Variants in MRC1 observed in about 807,000 individuals in gnomAD.
MRC1 encodes mannose receptor C-type 1.
In MRC1, 62 loss-of-function variants were observed where a neutral mutation model predicts 102.9. The ratio of observed to expected loss-of-function variants is 0.60; its 90% CI spans 0.49 to 0.74. MRC1 has a LOEUF of 0.74. Among genes scored for constraint, MRC1 ranks in the 30% least tolerant of loss-of-function variants. MRC1 has a pLI of 0.00. For missense variants in MRC1, 1,237 were observed against 862.8 expected, an observed-to-expected ratio of 1.43 and a Z score of -5.43; for synonymous variants, 457 against 298.4, an observed-to-expected ratio of 1.53 and a Z score of -5.48.
At chr10:17,881,744 G>A (rs1321687292) in intron 21 of MRC1, among the ~76,000 whole-genome samples, 23 of 128,060 alleles carry the variant, frequency 1.8e-4, no homozygotes, top group East Asian at 9.4e-4. Flanking sequence ...CTGCAGCCTC[G>A]AACTCCTAAG....
intron 5 of MRC1, 99 bp from the exon 6 acceptor site, chr10:17,845,190 A>C: frequency 1.3e-6 from 1 of 780,230 alleles, no homozygotes; most frequent in South Asian, 1.3e-5. Flanking sequence ...ATGGTGGTCC[A>C]TTGAATCCCC....
intron 3 of MRC1, among the ~76,000 whole-genome samples, chr10:17,829,209 C>A (rs1838530902): frequency 6.6e-6 from 1 of 151,480 alleles, no homozygotes. Context: ...CTTTCCAGAC[C>A]ACAAATCCAC....
intron 4 of MRC1, among the ~76,000 whole-genome samples, chr10:17,837,050 C>T (rs1380017168): frequency 2.0e-5 from 3 of 152,132 alleles, no homozygotes; most frequent in African/African-American, 4.8e-5. Context: ...GAGCGGACAG[C>T]GGCTTTGCCC....
Position 17,910,326 on chromosome 10 carries a change from A to T in MRC1, c.4232A>T (p.Tyr1411Phe). 1.3e-6 allele frequency: 1 copy of T among 780,834 alleles called. No individual in the cohort carries two copies. Among genetic ancestry groups the T allele is most frequent in the South Asian group, 1.3e-5 (1 of 74,618 alleles). 48.4% of individuals were successfully genotyped at this position (780,834 alleles called of 1,614,324 possible). Residue 1411 changes from tyrosine (Y) to phenylalanine (F), a missense_variant, in exon 30 of 30, where the codon TAT becomes TTT. Tyr to Phe is a conservative substitution (Grantham distance 22). Coordinates refer to ENST00000569591, the MANE Select transcript of MRC1 (RefSeq NM_002438.4). ...TGAGLAAYFF[Y>F]KKRRVHLPQE... ...GCTGGCCTTGCCGCCTATTTCTTTT[A>T]TAAGAAAAGACGTGTGCACCTACCT...
intron 1 of MRC1, among the ~76,000 whole-genome samples, chr10:17,815,554 C>T (rs1838297761): frequency 6.6e-6 from 1 of 152,118 alleles, no homozygotes; most frequent in Admixed American, 6.6e-5. Flanking sequence ...AAGGAAGCCT[C>T]TTCTACTGAC....
At chr10:17,890,690 G>C (rs1254250316) in intron 22 of MRC1, among the ~76,000 whole-genome samples, 1 of 152,172 alleles carries the variant, frequency 6.6e-6, no homozygotes, top group Non-Finnish European at 1.5e-5. Context: ...CAAACTGTGT[G>C]TGTGTTTTTA....
intron 22 of MRC1, among the ~76,000 whole-genome samples, chr10:17,891,502 C>CGTTA (rs1213717160): frequency 1.3e-5 from 2 of 152,230 alleles, no homozygotes; most frequent in East Asian, 1.9e-4. Flanking sequence ...GTAATAATAA[C>CGTTA]AGCAGTAAAG....
At chr10:17,828,336 A>G (rs1838516061) in intron 3 of MRC1, among the ~76,000 whole-genome samples, 3 of 151,400 alleles carry the variant, frequency 2.0e-5, no homozygotes, top group African/African-American at 4.9e-5. Flanking sequence ...TCGCCTCCCA[A>G]AGTGTTGGGT....
intron 11 of MRC1, among the ~76,000 whole-genome samples, chr10:17,865,060 A>G (rs692970): frequency 0.89 from 135,191 of 152,156 alleles, 60,100 homozygotes; most frequent in South Asian, 0.93. Context: ...TTATACAGTG[A>G]TATCACTAGC....
intron 6 of MRC1, among the ~76,000 whole-genome samples, chr10:17,849,377 T>C (rs935309398): frequency 2.6e-5 from 4 of 152,022 alleles, no homozygotes; most frequent in Non-Finnish European, 5.9e-5. Flanking sequence ...GGTTATTTTG[T>C]TTTGTCTAAA....
intron 7 of MRC1, among the ~76,000 whole-genome samples, chr10:17,850,096 C>T (rs1838890949): frequency 6.6e-6 from 1 of 151,778 alleles, no homozygotes; most frequent in East Asian, 1.9e-4. Flanking sequence ...TGCTTAATTC[C>T]TTGGAATTAT....
intron 22 of MRC1, among the ~76,000 whole-genome samples, chr10:17,890,999 C>T (rs951024759): frequency 4.0e-5 from 6 of 151,574 alleles, no homozygotes; most frequent in Admixed American, 1.3e-4. Context: ...CTAGGTTGCA[C>T]GCTCCTTATG....
chr10:17,835,867 G>T (rs901776069), intron 4 of MRC1, among the ~76,000 whole-genome samples: 1 of 152,214 alleles, frequency 6.6e-6, no homozygotes, highest in African/African-American at 2.4e-5. Flanking sequence ...CAGGGCACAA[G>T]AATCTGCCTT....
intron 12 of MRC1, 62 bp from the exon 13 acceptor site, chr10:17,870,184 G>T: frequency 1.3e-6 from 1 of 742,278 alleles, no homozygotes. Flanking sequence ...GTAAATATTT[G>T]TTTCTCTTAA....
intron 7 of MRC1, among the ~76,000 whole-genome samples, chr10:17,850,977 T>C (rs1201390444): frequency 6.6e-6 from 1 of 152,188 alleles, no homozygotes; most frequent in African/African-American, 2.4e-5. Flanking sequence ...CTGTGTCTAC[T>C]TATCCTGGAA....
At chr10:17,825,465 G>T (rs1838460986) in intron 2 of MRC1, among the ~76,000 whole-genome samples, 1 of 152,152 alleles carries the variant, frequency 6.6e-6, no homozygotes. Flanking sequence ...AAGCTGGCAG[G>T]CGTGGTGGCT....
At position 17,823,055 on chromosome 10, in the gene MRC1, C is replaced by T. The variant is rs1176698872; in HGVS notation, c.62-19C>T. 1 of 780,710 alleles carries T rather than the reference C, an allele frequency of 1.3e-6. No homozygotes were observed. Among genetic ancestry groups the T allele is most frequent in the Admixed American group, 1.7e-5 (1 of 59,002 alleles). 48.4% of individuals were successfully genotyped at this position (780,710 alleles called of 1,614,324 possible). On this transcript the variant is annotated intron_variant, in intron 1 of 29. Coordinates refer to ENST00000569591, the MANE Select transcript of MRC1 (RefSeq NM_002438.4). ...TGCTTGCTTTCTTCTTCTTTTCCTGCTTCTTTCTTTTTAAACAGACACCAG... is the reference window on the plus strand; with the variant it reads ...TGCTTGCTTTCTTCTTCTTTTCCTGTTTCTTTCTTTTTAAACAGACACCAG...
In MRC1 at chr10:17,816,494, C is replaced by T. The variant is rs926270998; in HGVS notation, c.62-6580C>T. On this transcript the variant is annotated intron_variant, in intron 1 of 29. Transcript: ENST00000569591. ...ATCCAAGGTACAAGAGATTTAGAGC[C>T]GTCAGCGGTTCTCCTTGGCCTCTGA... Among the ~76,000 whole-genome samples, 12 of 152,232 alleles carry T rather than the reference C, an allele frequency of 7.9e-5. No homozygotes were observed. The East Asian group carries it at 1.6e-3, about 20-fold the overall frequency.
At chr10:17,819,837 C>G (rs907983139) in intron 1 of MRC1, among the ~76,000 whole-genome samples, 1 of 152,004 alleles carries the variant, frequency 6.6e-6, no homozygotes, top group Non-Finnish European at 1.5e-5. Context: ...CCCAGCTACT[C>G]GGGAGGCTGA....
Sources: gnomAD v4.1 joint callset for allele counts (sites outside exome capture counted in the v4.1 genomes callset) on GRCh38, gnomAD v4.1.1 for gene constraint, MANE v1.5 for transcripts, NCBI Gene and HGNC (gene_info 2026-07-23, HGNC 2026-07-21) for gene names.